Variants in IGDCC4 observed in about 807,000 individuals in gnomAD.
IGDCC4 encodes immunoglobulin superfamily DCC subclass member 4, also known as likely ortholog of mouse neighbor of Punc E11.
Under a neutral mutation model 116.6 loss-of-function variants are expected in IGDCC4, and 72 were observed. The observed-to-expected ratio is 0.62, with a 90% confidence interval of 0.51 to 0.75. The LOEUF (loss-of-function observed/expected upper bound fraction) is 0.75, where lower values mean the gene tolerates loss of function less well. Ranked by LOEUF, IGDCC4 falls within the 30% of genes least tolerant of loss-of-function variation. IGDCC4 has a pLI of 0.00. For missense variants in IGDCC4, 1,501 were observed against 1,662.4 expected (o/e 0.90, Z 1.69); for synonymous variants, 709 against 719.9 (o/e 0.98, Z 0.24).
rs146192592 is a variant in IGDCC4 at position 65,385,520 on chromosome 15, G to A, written c.3180+311C>T. 1.7e-4 allele frequency: 90 copies of A among 543,916 alleles called. No individual in the cohort carries two copies. The East Asian group carries it at 2.8e-3, about 17-fold the overall frequency. The allele number at this position is 543,916 out of a possible 1,614,324, so 33.7% of individuals were successfully genotyped here. On this transcript the variant is annotated intron_variant, in intron 18 of 19. Coordinates refer to ENST00000352385, the MANE Select transcript of IGDCC4 (RefSeq NM_020962.3). ...GCCGACTGGCCTCTTCTCCCCACAC[G>A]GGGATGTCTGGGTCTCAGAGGTCTC...
chr15:65,390,267 T>G lies in IGDCC4; in HGVS notation c.2296A>C (p.Ile766Leu), dbSNP rs1334972949. The G allele has an allele frequency of 1.9e-6, 3 of 1,613,644 alleles. No homozygotes were observed. Among genetic ancestry groups the G allele is most frequent in the Non-Finnish European group, 2.5e-6 (3 of 1,179,592 alleles). ...TCTGGCTTTTTCCACCGAAGCCAGA[T>G]GGATGTGGAGCTGTTTGATTCCGCA... Reference protein sequence around the residue: ...VHAESNSSTSIWLRWKKPDFT... With the variant: ...VHAESNSSTSLWLRWKKPDFT... The change falls in exon 13 of 20, where the codon ATC (isoleucine) becomes CTC (leucine). Residue 766 changes from isoleucine (I) to leucine (L), a missense_variant. Ile to Leu is a conservative substitution (Grantham distance 5, BLOSUM62 2). Coordinates refer to ENST00000352385, the MANE Select transcript of IGDCC4 (RefSeq NM_020962.3).
At chr15:65,400,025 T>G (rs561355229) in intron 5 of IGDCC4, among the ~76,000 whole-genome samples, 7 of 152,206 alleles carry the variant, frequency 4.6e-5, no homozygotes, top group Non-Finnish European at 8.8e-5. Context: ...GCTCTTCCAC[T>G]GCCTCTCTGA....
At chr15:65,385,219 C>G in intron 18 of IGDCC4, 104 bp from the exon 19 acceptor site, 1 of 1,184,496 alleles carries the variant, frequency 8.4e-7, no homozygotes, top group Non-Finnish European at 1.2e-6. Flanking sequence ...GAGCAGGGTC[C>G]AGACTGTCAC....
intron 18 of IGDCC4, chr15:65,385,337 C>A: frequency 1.7e-6 from 1 of 580,518 alleles, no homozygotes; most frequent in Middle Eastern, 4.6e-4. Context: ...GAACACCAGA[C>A]GCTCTGCAAA....
In IGDCC4 at chr15:65,396,073, C is replaced by A; in HGVS notation, c.1088G>T (p.Arg363Leu). Residue 363 changes from arginine (R) to leucine (L), a missense_variant, in exon 7 of 20, where the codon CGG (arginine) becomes CTG (leucine). Coordinates refer to ENST00000352385, the MANE Select transcript of IGDCC4 (RefSeq NM_020962.3). ...RFVCRASGEP[R>L]PALRWLHNGA... ...GTTGTGCAGCCAGCGCAGCGCTGGC[C>A]GCGGCTCCCCCGACGCGCGGCACAC... is the stretch of plus-strand genomic sequence containing the variant. The A allele has an allele frequency of 7.2e-7, 1 of 1,387,172 alleles. No homozygotes were observed. Among genetic ancestry groups the A allele is most frequent in the East Asian group, 3.0e-5 (1 of 33,214 alleles). 85.9% of individuals were successfully genotyped at this position (1,387,172 alleles called of 1,614,324 possible).
chr15:65,416,492 A>G lies in IGDCC4; in HGVS notation c.71-5122T>C, dbSNP rs1016999651. On this transcript the variant is annotated intron_variant, in intron 1 of 19. Transcript: ENST00000352385. ...ATAACACAGCAATATTTGTTTTAAT[A>G]TAAGTGTGGCTCCCATACCACCAAA... is the stretch of plus-strand genomic sequence containing the variant. Among the ~76,000 whole-genome samples, 7 of 152,244 alleles carry G rather than the reference A, an allele frequency of 4.6e-5. No individual in the cohort carries two copies. The East Asian group carries it at 5.8e-4, about 13-fold the overall frequency.
intron 16 of IGDCC4, among the ~76,000 whole-genome samples, chr15:65,387,475 A>C (rs1051805056): frequency 6.6e-6 from 1 of 152,074 alleles, no homozygotes; most frequent in Non-Finnish European, 1.5e-5. Flanking sequence ...CAGCCTCCTG[A>C]GTAGTTGGGA....
chr15:65,398,990 A>C (rs2062957069), intron 5 of IGDCC4, among the ~76,000 whole-genome samples: 1 of 152,206 alleles, frequency 6.6e-6, no homozygotes, highest in African/African-American at 2.4e-5. Context: ...TGGGGTCAGG[A>C]ATGAAGCTCC....
chr15:65,387,653 G>A (rs1290799184), intron 16 of IGDCC4, among the ~76,000 whole-genome samples: 3 of 151,292 alleles, frequency 2.0e-5, no homozygotes, highest in Non-Finnish European at 4.4e-5. Flanking sequence ...GCGCCTGGCC[G>A]TCCGACCTCT....
intron 12 of IGDCC4, among the ~76,000 whole-genome samples, chr15:65,391,247 C>T (rs1305577525): frequency 1.3e-5 from 2 of 152,072 alleles, no homozygotes; most frequent in Non-Finnish European, 2.9e-5. Context: ...AAAAAAAGAA[C>T]CCAAGCTTCA....
Position 65,384,424 on chromosome 15 carries a change from T to C in IGDCC4, c.3343-5A>G, listed in dbSNP as rs745461611. 1 of 1,503,398 alleles carries C rather than the reference T, an allele frequency of 6.7e-7. No homozygotes were observed. The highest frequency in any genetic ancestry group is 1.4e-5 in the African/African-American group (1 of 71,646). The allele number at this position is 1,503,398 out of a possible 1,614,324, so 93.1% of individuals were successfully genotyped here. A position where few individuals can be genotyped will look rare whatever the true frequency, so the allele number is the denominator to read the frequency against. On this transcript the variant is annotated splice_polypyrimidine_tract_variant and splice_region_variant and intron_variant, in intron 19 of 19. Coordinates refer to ENST00000352385, the MANE Select transcript of IGDCC4 (RefSeq NM_020962.3). This position sits in a 1 kb window ranked among gnomAD's most constrained non-coding sequence, Gnocchi z 4.9. ...TGACTTCTTCCTCCCATTGCCCTGA[T>C]CAGAGCAGAGAACACAAAGACAAAG...
chr15:65,402,598 G>A, intron 3 of IGDCC4, 111 bp from the exon 4 acceptor site: 1 of 1,374,056 alleles, frequency 7.3e-7, no homozygotes, highest in Non-Finnish European at 9.8e-7. Flanking sequence ...GCTGGGCGCA[G>A]TGGCTCACGC....
chr15:65,400,276 C>T lies in IGDCC4; in HGVS notation c.841+530G>A, dbSNP rs114319151. On this transcript the variant is annotated intron_variant, in intron 5 of 19. Coordinates refer to ENST00000352385, the MANE Select transcript of IGDCC4 (RefSeq NM_020962.3). The stretch of plus-strand genomic sequence containing the variant: ...TGTGTGTTTTCTCTCCCTCACTAGA[C>T]GATGAGTTCAGAGGGCAGGGTCCCT... Among the ~76,000 whole-genome samples the T allele has an allele frequency of 5.6e-3, 848 of 152,332 alleles. 9 individuals carry two copies. The highest frequency in any genetic ancestry group is 0.019 in the African/African-American group (799 of 41,572).
At chr15:65,385,605 G>A (rs533451925) in intron 18 of IGDCC4, 1 of 622,624 alleles carries the variant, frequency 1.6e-6, no homozygotes, top group South Asian at 1.9e-5. Flanking sequence ...CACCTGCTGG[G>A]AGGCCCTTTC....
At position 65,392,233 on chromosome 15, in the gene IGDCC4, T is replaced by C. The variant is rs563904388; in HGVS notation, c.2023A>G (p.Asn675Asp). The change falls in exon 11 of 20, where the codon AAT (asparagine) becomes GAT (aspartate). Residue 675 changes from asparagine to aspartate, a missense_variant. By Grantham distance (23) the Asn-to-Asp change is conservative. Around this residue, in one of 3 missense-constraint regions of IGDCC4, gnomAD observed 898 missense variants for 978.9 expected, o/e 0.92. Transcript: ENST00000352385. Reference protein sequence around the residue: ...WREVGAEEEANGDRLPGGRGD... With the variant: ...WREVGAEEEADGDRLPGGRGD... ...CGGCCCCCTGGCAGGCGATCGCCAT[T>C]GGCCTCCTCCTCAGCCCCCACCTCC... is the stretch of plus-strand genomic sequence containing the variant. 9.3e-6 allele frequency: 15 copies of C among 1,613,736 alleles called. No homozygotes were observed. In the African/African-American group the frequency reaches 1.5e-4, roughly 16 times the overall value.
intron 1 of IGDCC4, among the ~76,000 whole-genome samples, chr15:65,416,634 C>T (rs2063147635): frequency 6.6e-6 from 1 of 152,066 alleles, no homozygotes; most frequent in African/African-American, 2.4e-5. Flanking sequence ...CATTTTTAGC[C>T]CTCCCTCTCA....
At chr15:65,385,192 T>C (rs1464219235) in intron 18 of IGDCC4, 77 bp from the exon 19 acceptor site, 2 of 1,436,574 alleles carry the variant, frequency 1.4e-6, no homozygotes, top group Non-Finnish European at 1.8e-6. Flanking sequence ...GGGAGGGAAT[T>C]GGGATGGGCC....
At chr15:65,410,677 C>A (rs942319331) in intron 2 of IGDCC4, 1 of 457,444 alleles carries the variant, frequency 2.2e-6, no homozygotes, top group Non-Finnish European at 3.9e-6. Context: ...TTCCACCTGC[C>A]GTGCAGGCAG....
intron 1 of IGDCC4, among the ~76,000 whole-genome samples, chr15:65,419,212 T>C (rs2039883740): frequency 6.8e-6 from 1 of 147,292 alleles, no homozygotes; most frequent in African/African-American, 2.5e-5. Context: ...AACACCACCA[T>C]GACCGCCATG....
Sources: gnomAD v4.1 joint callset for allele counts (sites outside exome capture counted in the v4.1 genomes callset) on GRCh38, gnomAD v4.1.1 for gene constraint, gnomAD v4.1.1 regional missense constraint, Gnocchi (gnomAD v3.1) non-coding constraint, MANE v1.5 for transcripts, NCBI Gene and HGNC (gene_info 2026-07-23, HGNC 2026-07-21) for gene names.